The following RAD51B variants were observed in gnomAD, a reference collection of about 807,000 sequenced individuals.
The protein encoded by RAD51B is RAD51 paralog B, also known as DNA repair protein RAD51 homolog 2.
A neutral mutation model predicts 42.2 loss-of-function variants in RAD51B; 38 were observed. The observed-to-expected ratio is 0.90, with a 90% CI of 0.70 to 1.18. The LOEUF (loss-of-function observed/expected upper bound fraction) is 1.18. Among genes scored for constraint, RAD51B ranks in the 50% most tolerant of loss-of-function variants. RAD51B has a pLI of 0.00. For missense variants in RAD51B, 373 were observed against 400.7 expected, an observed-to-expected ratio of 0.93 and a Z score of 0.59; for synonymous variants, 154 against 145.2, an observed-to-expected ratio of 1.06 and a Z score of -0.43.
At chr14:68,065,741 G>A (rs1326212031) in intron 7 of RAD51B, among the ~76,000 whole-genome samples, 2 of 152,050 alleles carry the variant, frequency 1.3e-5, no homozygotes, top group African/African-American at 4.8e-5. Flanking sequence ...GGAATATGGA[G>A]CACCCTGGGC....
chr14:68,035,784 C>A (rs2076111849), intron 7 of RAD51B, among the ~76,000 whole-genome samples: 1 of 152,214 alleles, frequency 6.6e-6, no homozygotes, highest in South Asian at 2.1e-4. Flanking sequence ...TCTAATTCCT[C>A]ATTTTTTTAA....
At chr14:68,189,293 GT>G (rs1699550939) in intron 7 of RAD51B, among the ~76,000 whole-genome samples, 1 of 152,076 alleles carries the variant, frequency 6.6e-6, no homozygotes, top group East Asian at 1.9e-4. Context: ...TACTCAATAA[GT>G]ACTTGAATAT....
intron 4 of RAD51B, among the ~76,000 whole-genome samples, chr14:67,862,492 C>T (rs1301461957): frequency 1.3e-5 from 2 of 151,094 alleles, no homozygotes; most frequent in South Asian, 2.1e-4. Context: ...TGTTTTGATT[C>T]GTCTGCAAGA....
chr14:68,330,834 T>C (rs528331841), intron 8 of RAD51B, among the ~76,000 whole-genome samples: 80 of 152,180 alleles, frequency 5.3e-4, no homozygotes, highest in Non-Finnish European at 1.1e-3. Context: ...AGGCAAATCA[T>C]GGGACAGTTT....
At chr14:68,170,264 C>G (rs1006014136) in intron 7 of RAD51B, among the ~76,000 whole-genome samples, 3 of 152,198 alleles carry the variant, frequency 2.0e-5, no homozygotes, top group African/African-American at 7.2e-5. Context: ...TCCTTGAAAG[C>G]AAAGGCCTCA....
chr14:68,138,847 A>G (rs1355094341), intron 7 of RAD51B, among the ~76,000 whole-genome samples: 1 of 152,162 alleles, frequency 6.6e-6, no homozygotes, highest in Non-Finnish European at 1.5e-5. Context: ...TTCTATCTTC[A>G]TTCAATCTAT....
At chr14:67,948,804 C>A (rs550704992) in intron 7 of RAD51B, among the ~76,000 whole-genome samples, 1 of 151,324 alleles carries the variant, frequency 6.6e-6, no homozygotes, top group Non-Finnish European at 1.5e-5. Flanking sequence ...TGGTTGTGGG[C>A]GCCTGTAGTC....
chr14:68,645,406 C>G (rs1270558046), intron 10 of RAD51B, among the ~76,000 whole-genome samples: 1 of 152,194 alleles, frequency 6.6e-6, no homozygotes, highest in Admixed American at 6.5e-5. Context: ...CATCGACAGA[C>G]AGTTAGGTTG....
At position 67,955,879 on chromosome 14, in the gene RAD51B, A is replaced by T. The variant is rs149163339; in HGVS notation, c.756+68675A>T. Among the ~76,000 whole-genome samples the T allele has an allele frequency of 5.3e-5, 8 of 152,244 alleles. No homozygotes were observed. The East Asian group carries it at 1.2e-3, about 22-fold the overall frequency. Reference sequence around the variant, plus strand: ...TAGAATTTGGACAGATGAAGATGGGATTGGGGTAGGAGTTTGGCTTTTAGC... The same window carrying T: ...TAGAATTTGGACAGATGAAGATGGGTTTGGGGTAGGAGTTTGGCTTTTAGC... On this transcript the variant is annotated intron_variant, in intron 7 of 10. Transcript: ENST00000471583.
At chr14:67,985,950 G>A (rs2075182915) in intron 7 of RAD51B, among the ~76,000 whole-genome samples, 2 of 151,906 alleles carry the variant, frequency 1.3e-5, no homozygotes, top group Admixed American at 6.6e-5. Flanking sequence ...AAAAGTAAAG[G>A]CCCTTAATTT....
At chr14:68,514,758 C>T (rs1318643708) in intron 10 of RAD51B, among the ~76,000 whole-genome samples, 5 of 152,214 alleles carry the variant, frequency 3.3e-5, no homozygotes, top group African/African-American at 9.7e-5. Context: ...AAACTGGAAT[C>T]CCCTTCACCT....
chr14:68,062,740 C>T (rs984758865), intron 7 of RAD51B, among the ~76,000 whole-genome samples: 11 of 146,076 alleles, frequency 7.5e-5, no homozygotes, highest in Non-Finnish European at 3.0e-5. Flanking sequence ...ACCTAGGGGG[C>T]AGAGGTTGCA....
intron 7 of RAD51B, among the ~76,000 whole-genome samples, chr14:67,933,961 A>C (rs11845382): frequency 0.025 from 3,812 of 152,310 alleles, 160 homozygotes; most frequent in African/African-American, 0.086. Flanking sequence ...TAGGGCAATA[A>C]ATAAAGTCAA....
At chr14:68,318,616 G>A (rs4083474) in intron 8 of RAD51B, among the ~76,000 whole-genome samples, 20,515 of 152,114 alleles carry the variant, frequency 0.13, 1,872 homozygotes, top group African/African-American at 0.26. Flanking sequence ...TTGCATGGAC[G>A]GTCTACCTAC....
At chr14:68,355,075 C>T (rs569314352) in intron 8 of RAD51B, among the ~76,000 whole-genome samples, 6 of 152,292 alleles carry the variant, frequency 3.9e-5, no homozygotes, top group Non-Finnish European at 8.8e-5. Flanking sequence ...AAAAGAACCC[C>T]ATCTTGTCAC....
chr14:68,034,326 C>T (rs994491736), intron 7 of RAD51B, among the ~76,000 whole-genome samples: 8 of 151,198 alleles, frequency 5.3e-5, no homozygotes, highest in African/African-American at 2.0e-4. Context: ...GGTTGGAGTG[C>T]AGTGGTACAC....
chr14:68,107,244 C>G (rs2077390317), intron 7 of RAD51B, among the ~76,000 whole-genome samples: 1 of 151,762 alleles, frequency 6.6e-6, no homozygotes, highest in African/African-American at 2.4e-5. Flanking sequence ...AAACCTAGTA[C>G]TTTTCACATC....
intron 11 of RAD51B, among the ~76,000 whole-genome samples, chr14:68,682,463 C>T (rs1371188278): frequency 6.6e-6 from 1 of 152,194 alleles, no homozygotes; most frequent in Non-Finnish European, 1.5e-5. Flanking sequence ...TTTGAATTTC[C>T]TCTATAAAGA....
chr14:67,887,357 A>G (rs2043093562), intron 7 of RAD51B, 153 bp downstream of exon 7: 2 of 540,424 alleles, frequency 3.7e-6, no homozygotes, highest in South Asian at 3.3e-5. Flanking sequence ...TATAGCAAAC[A>G]TCGCCATCAT....
Sources: allele counts gnomAD v4.1 joint callset (sites outside exome capture counted in the v4.1 genomes callset), GRCh38; gene constraint gnomAD v4.1.1; transcripts MANE v1.5; gene names NCBI Gene and HGNC (gene_info 2026-07-23, HGNC 2026-07-21).